The following ARL3 variants were observed in gnomAD, a reference collection of about 807,000 sequenced individuals.
ARL3 encodes the protein ARF like GTPase 3.
Under a neutral mutation model 26.0 loss-of-function variants are expected in ARL3, and 9 were observed. The observed-to-expected ratio is 0.35, with a 90% CI of 0.21 to 0.60. ARL3 has a LOEUF of 0.60. ARL3 is among the 20% of genes least tolerant of loss of function. The pLI, the probability that ARL3 is intolerant of heterozygous loss-of-function variation, is 0.78. For synonymous variants in ARL3, 71 were observed against 78.4 expected (o/e 0.91, Z 0.50); for missense variants, 158 against 215.7 (o/e 0.73, Z 1.67).
At chr10:102,677,050 G>T (rs1039920368) in intron 5 of ARL3, 109 bp from the exon 6 acceptor site, 4 of 1,264,454 alleles carry the variant, frequency 3.2e-6, no homozygotes, top group African/African-American at 1.5e-5. Context: ...CTCCCAGACC[G>T]CCAGCTTTAG....
chr10:102,693,339 G>A (rs899057793), intron 3 of ARL3, among the ~76,000 whole-genome samples: 2 of 152,012 alleles, frequency 1.3e-5, no homozygotes, highest in African/African-American at 4.8e-5. Context: ...CTCTACATCC[G>A]TATCAGCATT....
At chr10:102,695,807 G>A (rs951835173) in intron 3 of ARL3, among the ~76,000 whole-genome samples, 57 of 152,028 alleles carry the variant, frequency 3.7e-4, no homozygotes, top group African/African-American at 1.1e-3. Flanking sequence ...ATGAGCCATC[G>A]CACCAGGCCT....
chr10:102,701,548 A>G (rs1461605916), intron 2 of ARL3, among the ~76,000 whole-genome samples: 1 of 152,214 alleles, frequency 6.6e-6, no homozygotes, highest in Non-Finnish European at 1.5e-5. Context: ...AAGCTTATTG[A>G]AAAAAGTTTC....
intron 3 of ARL3, among the ~76,000 whole-genome samples, chr10:102,697,081 G>A (rs7904396): frequency 0.32 from 48,090 of 151,970 alleles, 8,006 homozygotes; most frequent in African/African-American, 0.36. Context: ...GCAGGCAACT[G>A]TAAAACAATG....
rs1035359935 is a variant in ARL3 at position 102,705,569 on chromosome 10, T to C, written c.4-80A>G. Reference sequence around the variant, plus strand: ...ACTGGATATGAGAATAACTTCTCCTTGAAAAAAGTTATTGGTTATGGAGAG... The same window carrying C: ...ACTGGATATGAGAATAACTTCTCCTCGAAAAAAGTTATTGGTTATGGAGAG... On this transcript the variant is annotated intron_variant, in intron 1 of 5. Transcript: ENST00000260746. The C allele has an allele frequency of 3.7e-6, 5 of 1,338,594 alleles. No individual in the cohort carries two copies. The African/African-American group carries it at 7.4e-5, about 20-fold the overall frequency. 82.9% of individuals were successfully genotyped at this position (1,338,594 alleles called of 1,614,324 possible).
intron 1 of ARL3, among the ~76,000 whole-genome samples, chr10:102,711,555 T>C (rs1233906450): frequency 6.6e-6 from 1 of 151,918 alleles, no homozygotes; most frequent in Admixed American, 6.6e-5. Flanking sequence ...ATACAGACCA[T>C]CCTGGCTAAC....
chr10:102,708,908 A>ATTTTTTTTTTTTTTT (rs1554864095), intron 1 of ARL3, among the ~76,000 whole-genome samples: 1 of 95,324 alleles, frequency 1.0e-5, no homozygotes, highest in African/African-American at 4.2e-5. Context: ...ATATATATAT[A>ATTTTTTTTTTTTTTT]TTTTTTTTTT....
At chr10:102,683,084 A>G (rs983389909) in intron 5 of ARL3, among the ~76,000 whole-genome samples, 1 of 152,242 alleles carries the variant, frequency 6.6e-6, no homozygotes, top group African/African-American at 2.4e-5. Context: ...CTGTACTTCA[A>G]CTAAGCAATG....
intron 3 of ARL3, among the ~76,000 whole-genome samples, chr10:102,698,674 G>A (rs1000821832): frequency 1.3e-5 from 2 of 152,148 alleles, no homozygotes; most frequent in Non-Finnish European, 1.5e-5. Context: ...TTCTGAAACT[G>A]TGATGGTCCT....
At chr10:102,707,566 C>T (rs896417512) in intron 1 of ARL3, among the ~76,000 whole-genome samples, 1 of 152,184 alleles carries the variant, frequency 6.6e-6, no homozygotes, top group Non-Finnish European at 1.5e-5. Context: ...TTGTTATTCA[C>T]ATTGTACCAG....
intron 5 of ARL3, among the ~76,000 whole-genome samples, chr10:102,677,229 G>A (rs2064135076): frequency 6.6e-6 from 1 of 152,210 alleles, no homozygotes; most frequent in Non-Finnish European, 1.5e-5. Context: ...AAACACATCT[G>A]CCTGCATCCA....
chr10:102,677,250 G>A (rs2135993989), intron 5 of ARL3, among the ~76,000 whole-genome samples: 1 of 152,346 alleles, frequency 6.6e-6, no homozygotes, highest in East Asian at 1.9e-4. Context: ...AAGCCTGACT[G>A]AAGAGCTATC....
chr10:102,694,978 C>T (rs1312558678), intron 3 of ARL3, among the ~76,000 whole-genome samples: 1 of 152,218 alleles, frequency 6.6e-6, no homozygotes, highest in East Asian at 1.9e-4. Context: ...CTCAGCCTCC[C>T]AAAGTGTTGG....
At chr10:102,699,208 A>C (rs2064265239) in intron 3 of ARL3, among the ~76,000 whole-genome samples, 165 bp downstream of exon 3, 1 of 152,252 alleles carries the variant, frequency 6.6e-6, no homozygotes, top group African/African-American at 2.4e-5. Context: ...AGTTATACAA[A>C]GATGTTTTTC....
At chr10:102,691,788 G>A (rs1400261986) in intron 3 of ARL3, among the ~76,000 whole-genome samples, 2 of 152,136 alleles carry the variant, frequency 1.3e-5, no homozygotes, top group East Asian at 1.9e-4. Flanking sequence ...GGAGTCTAGC[G>A]TAATAAGTCT....
At position 102,705,355 on chromosome 10, in the gene ARL3, T is replaced by C. The variant is rs2064303765; in HGVS notation, c.138A>G (p.Thr46=). The C allele has an allele frequency of 1.9e-6, 3 of 1,605,534 alleles. No homozygotes were observed. Among genetic ancestry groups the C allele is most frequent in the Non-Finnish European group, 8.5e-7 (1 of 1,174,436 alleles). ...QLASEDISHI[T]PTQGFNIKSV... ...CCAAGGCAGTGCTCACCTGTGTAGG[T>C]GTGATGTGGCTGATGTCTTCAGATG... is the stretch of plus-strand genomic sequence containing the variant. Residue 46 remains threonine, a synonymous_variant, in exon 2 of 6, where the codon ACA becomes ACG. Transcript: ENST00000260746.
At chr10:102,702,142 G>T (rs1170455200) in intron 2 of ARL3, among the ~76,000 whole-genome samples, 1 of 152,014 alleles carries the variant, frequency 6.6e-6, no homozygotes, top group Non-Finnish European at 1.5e-5. Context: ...AGTGAGCTAT[G>T]GATGGTGCCA....
At position 102,674,182 on chromosome 10, in the gene ARL3, C is replaced by T. The variant is rs148151794; in HGVS notation, c.*2712G>A. On this transcript the variant is annotated 3_prime_UTR_variant, in exon 6 of 6. Coordinates refer to ENST00000260746, the MANE Select transcript of ARL3 (RefSeq NM_004311.4). Reference sequence around the variant, plus strand: ...GAGGGAGGAAGGAAGGGGGCAGGACCATGTCCTCCCAGCAGCCGTGGGAGC... The same window carrying T: ...GAGGGAGGAAGGAAGGGGGCAGGACTATGTCCTCCCAGCAGCCGTGGGAGC... The T allele has an allele frequency of 1.3e-5, 2 of 151,786 alleles. No homozygotes were observed. The highest frequency in any genetic ancestry group is 4.9e-5 in the African/African-American group (2 of 41,122). 9.4% of individuals were successfully genotyped at this position (151,786 alleles called of 1,614,324 possible).
intron 5 of ARL3, among the ~76,000 whole-genome samples, chr10:102,681,667 G>A (rs1332670224): frequency 6.6e-6 from 1 of 152,108 alleles, no homozygotes; most frequent in Non-Finnish European, 1.5e-5. Flanking sequence ...GAGCATGAGG[G>A]GGTGGCCTGG....
Sources: allele counts gnomAD v4.1 joint callset (sites outside exome capture counted in the v4.1 genomes callset), GRCh38; gene constraint gnomAD v4.1.1; transcripts MANE v1.5; gene names NCBI Gene and HGNC (gene_info 2026-07-23, HGNC 2026-07-21).